The following TRAF3IP1 variants were observed in gnomAD, a reference collection of about 807,000 sequenced individuals.
TRAF3IP1 encodes intraflagellar transport 54.
In TRAF3IP1, 53 loss-of-function variants were observed where a neutral mutation model predicts 89.9. The ratio of observed to expected loss-of-function variants is 0.59; its 90% CI spans 0.47 to 0.74. TRAF3IP1 has a LOEUF of 0.74. Among genes scored for constraint, TRAF3IP1 ranks in the 30% least tolerant of loss-of-function variants. The pLI, the probability that TRAF3IP1 is intolerant of heterozygous loss-of-function variation, is 0.00. For synonymous variants in TRAF3IP1, 311 were observed against 322.1 expected (o/e 0.97, Z 0.37); for missense variants, 806 against 866.1 (o/e 0.93, Z 0.87).
intron 13 of TRAF3IP1, 52 bp downstream of exon 13, chr2:238,353,002 G>T: frequency 1.3e-6 from 2 of 1,558,400 alleles, no homozygotes; most frequent in Non-Finnish European, 8.7e-7. Context: ...TACCTTCATT[G>T]AGATTAATAG....
intron 8 of TRAF3IP1, among the ~76,000 whole-genome samples, chr2:238,341,902 A>C (rs1698677240): frequency 6.6e-6 from 1 of 152,030 alleles, no homozygotes. Flanking sequence ...TACAAGGTTC[A>C]TTGGTTACCA....
chr2:238,354,476 A>G (rs1029559154), intron 14 of TRAF3IP1, among the ~76,000 whole-genome samples: 1 of 152,126 alleles, frequency 6.6e-6, no homozygotes. Context: ...TTATATATGC[A>G]TCTCTTCCAT....
At chr2:238,362,181 T>C (rs1222575362) in intron 15 of TRAF3IP1, among the ~76,000 whole-genome samples, 2 of 152,184 alleles carry the variant, frequency 1.3e-5, no homozygotes, top group East Asian at 1.9e-4. Context: ...TGTCCTTTGC[T>C]AGTTCCTTCT....
rs533097634 is a variant in TRAF3IP1 at position 238,342,433 on chromosome 2, G to A, written c.1160-2064G>A. Among the ~76,000 whole-genome samples the A allele has an allele frequency of 4.1e-4, 62 of 151,978 alleles. 1 individual carries two copies. Among genetic ancestry groups the A allele is most frequent in the South Asian group, 3.1e-3 (15 of 4,816 alleles). On this transcript the variant is annotated intron_variant, in intron 8 of 16. Coordinates refer to ENST00000373327, the MANE Select transcript of TRAF3IP1 (RefSeq NM_015650.4). Reference sequence around the variant, plus strand: ...AGTCTGTTTTCATGTTCTTTCTCTCGGTGTGAACTTGGGGTTTAGTAAAGC... The same window carrying A: ...AGTCTGTTTTCATGTTCTTTCTCTCAGTGTGAACTTGGGGTTTAGTAAAGC...
chr2:238,327,350 ATTG>A (rs1465727200), intron 3 of TRAF3IP1, among the ~76,000 whole-genome samples: 1 of 151,886 alleles, frequency 6.6e-6, no homozygotes, highest in Non-Finnish European at 1.5e-5. Context: ...CTGTTGTTTA[ATTG>A]TTGTGTTTAT....
chr2:238,347,490 T>G lies in TRAF3IP1; in HGVS notation c.1282+15T>G. On this transcript the variant is annotated intron_variant, in intron 10 of 16. Transcript: ENST00000373327. ...CAGTGATGCAGGTGAGGAATGGCCT[T>G]AGATACCTGTGTGTCATATCAATTG... 1 of 1,613,928 alleles carries G rather than the reference T, an allele frequency of 6.2e-7. No individual in the cohort carries two copies. The highest frequency in any genetic ancestry group is 1.6e-4 in the Middle Eastern group (1 of 6,062).
chr2:238,331,620 C>G (rs1185031567), intron 5 of TRAF3IP1, among the ~76,000 whole-genome samples: 2 of 152,198 alleles, frequency 1.3e-5, no homozygotes, highest in South Asian at 2.1e-4. Context: ...GCTTACTTGG[C>G]TGCCGTGAGA....
chr2:238,383,293 T>C (rs1559391638), intron 15 of TRAF3IP1, among the ~76,000 whole-genome samples: 1 of 152,146 alleles, frequency 6.6e-6, no homozygotes, highest in South Asian at 2.1e-4. Flanking sequence ...TCTGACTAGA[T>C]TGTGAGAGTC....
rs1449067220 is a variant in TRAF3IP1, at chr2:238,320,741, C to T, written c.79C>T (p.Leu27=). 1.4e-6 allele frequency: 2 copies of T among 1,447,952 alleles called. No homozygotes were observed. The highest frequency in any genetic ancestry group is 1.5e-5 in the African/African-American group (1 of 67,590). 89.7% of individuals were successfully genotyped at this position (1,447,952 alleles called of 1,614,324 possible). ...GAGGCCGCCGCTGACCGAGAAGCTG[C>T]TGAGCAAGCCCCCGTTCCGCTACCT... The part of the protein sequence containing the change: ...IRRPPLTEKL[L]SKPPFRYLHD... Residue 27 remains leucine (L), a synonymous_variant, in exon 1 of 17, where the codon CTG becomes TTG. Transcript: ENST00000373327.
At chr2:238,326,027 G>C (rs1574889303) in intron 3 of TRAF3IP1, 57 bp downstream of exon 3, 4 of 1,550,408 alleles carry the variant, frequency 2.6e-6, no homozygotes, top group Non-Finnish European at 3.5e-6. Flanking sequence ...AAAAGTAGTC[G>C]GGGGTGAGGG....
intron 15 of TRAF3IP1, among the ~76,000 whole-genome samples, chr2:238,366,394 A>G (rs1182537909): frequency 2.6e-5 from 4 of 152,182 alleles, no homozygotes; most frequent in Admixed American, 2.6e-4. Flanking sequence ...CCTTTTCTCT[A>G]TAGACAAATA....
At position 238,320,934 on chromosome 2, in the gene TRAF3IP1, G is replaced by A. The variant is rs867937349; in HGVS notation, c.123+149G>A. 4 of 597,246 alleles carry A rather than the reference G, an allele frequency of 6.7e-6. No homozygotes were observed. In the African/African-American group the frequency reaches 7.9e-5, roughly 12 times the overall value. 37.0% of individuals were successfully genotyped at this position (597,246 alleles called of 1,614,324 possible). A position where few individuals can be genotyped will look rare whatever the true frequency, so the allele number is the denominator to read the frequency against. On this transcript the variant is annotated intron_variant, in intron 1 of 16. Transcript: ENST00000373327. ...CGGGGCTGGGCCGGAGTCGGGGCCCGGGCCGGGTGTGAACCGGGTGTGGGC... is the reference window on the plus strand; with the variant it reads ...CGGGGCTGGGCCGGAGTCGGGGCCCAGGCCGGGTGTGAACCGGGTGTGGGC...
intron 15 of TRAF3IP1, among the ~76,000 whole-genome samples, chr2:238,367,879 G>A (rs1699952405): frequency 1.3e-5 from 2 of 152,222 alleles, no homozygotes; most frequent in African/African-American, 4.8e-5. Context: ...GTGCCTCCCT[G>A]TCTCAGTGCG....
At chr2:238,326,066 G>C in intron 3 of TRAF3IP1, 96 bp downstream of exon 3, 1 of 1,220,168 alleles carries the variant, frequency 8.2e-7, no homozygotes, top group Admixed American at 2.5e-5. Context: ...TTTAGGGAAG[G>C]AGTTTCAGTG....
chr2:238,363,833 G>A (rs1436522573), intron 15 of TRAF3IP1, among the ~76,000 whole-genome samples: 1 of 152,108 alleles, frequency 6.6e-6, no homozygotes, highest in Non-Finnish European at 1.5e-5. Flanking sequence ...GGTGGTGTGT[G>A]CCTGTAGTTT....
At chr2:238,352,999 A>G (rs1221921029) in intron 13 of TRAF3IP1, 49 bp downstream of exon 13, 12 of 1,568,332 alleles carry the variant, frequency 7.7e-6, no homozygotes, top group South Asian at 1.2e-5. Flanking sequence ...TTTTACCTTC[A>G]TTGAGATTAA....
At chr2:238,356,777 ATTT>A (rs1332058374) in intron 15 of TRAF3IP1, among the ~76,000 whole-genome samples, 4 of 135,750 alleles carry the variant, frequency 2.9e-5, no homozygotes, top group Admixed American at 7.4e-5. Context: ...GAGACTGGGA[ATTT>A]TTTTTTTTTT....
At chr2:238,339,680 G>A (rs1285432481) in intron 8 of TRAF3IP1, among the ~76,000 whole-genome samples, 4 of 152,238 alleles carry the variant, frequency 2.6e-5, no homozygotes, top group Admixed American at 6.5e-5. Flanking sequence ...ATAAATGGGC[G>A]TAAAGATACC....
At chr2:238,360,257 G>A (rs1175267823) in intron 15 of TRAF3IP1, among the ~76,000 whole-genome samples, 1 of 152,182 alleles carries the variant, frequency 6.6e-6, no homozygotes, top group Non-Finnish European at 1.5e-5. Context: ...AACTATGGGT[G>A]GGGATAGGAC....
Sources: allele counts gnomAD v4.1 joint callset (sites outside exome capture counted in the v4.1 genomes callset), GRCh38; gene constraint gnomAD v4.1.1; transcripts MANE v1.5; gene names NCBI Gene and HGNC (gene_info 2026-07-23, HGNC 2026-07-21).